FLRT2: variants seen among roughly 807,000 people sequenced by gnomAD.
The protein encoded by FLRT2 is fibronectin leucine rich transmembrane protein 2, also known as leucine-rich repeat transmembrane protein FLRT2.
A neutral mutation model predicts 40.0 loss-of-function variants in FLRT2; 15 were observed. That is an observed-to-expected ratio of 0.38 (90% CI 0.25 to 0.58). The LOEUF is 0.58. Among genes scored for constraint, FLRT2 ranks in the 20% least tolerant of loss-of-function variants. The pLI is 0.71. For synonymous variants in FLRT2, 380 were observed against 336.8 expected (o/e 1.13, Z -1.41); for missense variants, 726 against 840.0 (o/e 0.86, Z 1.68).
In FLRT2 at chr14:85,643,290, TTTTTCTTTCTTTC is replaced by T. The variant is rs1479916819; in HGVS notation, c.*19797_*19809del. ...GAGAGAGTTCAGAGGGTATTTCTTT[TTTTTCTTTCTTTC>T]TTTCTTTCTTTCTTTCTTTCTTTCT... On this transcript the variant is annotated 3_prime_UTR_variant, in exon 2 of 2. Transcript: ENST00000330753. 10 of 136,190 alleles carry T rather than the reference TTTTTCTTTCTTTC, an allele frequency of 7.3e-5. No homozygotes were observed. The highest frequency in any genetic ancestry group is 2.4e-4 in the African/African-American group (8 of 33,516). 8.4% of individuals were successfully genotyped at this position (136,190 alleles called of 1,614,324 possible).
intron 1 of FLRT2, among the ~76,000 whole-genome samples, chr14:85,561,832 GC>G (rs1890342005): frequency 6.6e-6 from 1 of 152,134 alleles, no homozygotes; most frequent in Non-Finnish European, 1.5e-5. Flanking sequence ...TCTTTAGATA[GC>G]CCCGGTCTTT....
rs951287542 is a variant in FLRT2 at position 85,650,100 on chromosome 14, T to C, written c.*26603T>C. The C allele has an allele frequency of 1.1e-4, 17 of 152,200 alleles. No individual in the cohort carries two copies. The highest frequency in any genetic ancestry group is 4.1e-4 in the African/African-American group (17 of 41,564). 9.4% of individuals were successfully genotyped at this position (152,200 alleles called of 1,614,324 possible). A position where few individuals can be genotyped will look rare whatever the true frequency, so the allele number is the denominator to read the frequency against. Reference sequence around the variant, plus strand: ...TTGAAGCCCTTGAACCCCTCACCTGTCACACTATCCTCTTTGCTTTGTCAA... The same window carrying C: ...TTGAAGCCCTTGAACCCCTCACCTGCCACACTATCCTCTTTGCTTTGTCAA... On this transcript the variant is annotated 3_prime_UTR_variant, in exon 2 of 2. Transcript: ENST00000330753.
At chr14:85,568,898 C>G (rs1359367952) in intron 1 of FLRT2, among the ~76,000 whole-genome samples, 3 of 152,108 alleles carry the variant, frequency 2.0e-5, no homozygotes, top group Non-Finnish European at 4.4e-5. Context: ...TCAGCCGCCT[C>G]TCTCTGCCTC....
At chr14:85,531,215 CGG>C (rs1491582080) in intron 1 of FLRT2, 1 of 152,310 alleles carries the variant, frequency 6.6e-6, no homozygotes, top group Middle Eastern at 3.2e-3. Context: ...AGGCGGAATC[CGG>C]ATCGAGTGAG....
chr14:85,599,398 A>G (rs1292605584), intron 1 of FLRT2, among the ~76,000 whole-genome samples: 2 of 152,166 alleles, frequency 1.3e-5, no homozygotes, highest in Admixed American at 6.5e-5. Context: ...TACCAAAGAT[A>G]CAACATATTT....
intron 1 of FLRT2, among the ~76,000 whole-genome samples, chr14:85,611,227 C>T (rs1276241526): frequency 6.7e-6 from 1 of 149,786 alleles, no homozygotes; most frequent in Non-Finnish European, 1.5e-5. Flanking sequence ...CTTTATCTGT[C>T]TTGCTCACCT....
intron 1 of FLRT2, among the ~76,000 whole-genome samples, chr14:85,557,410 T>A (rs1890039762): frequency 6.6e-6 from 1 of 152,172 alleles, no homozygotes; most frequent in Non-Finnish European, 1.5e-5. Flanking sequence ...GAATTTCTTG[T>A]TTCTTCAGGT....
chr14:85,615,299 C>T (rs959963916), intron 1 of FLRT2, among the ~76,000 whole-genome samples: 12 of 152,130 alleles, frequency 7.9e-5, no homozygotes, highest in Non-Finnish European at 1.2e-4. Context: ...TCAAGTTACC[C>T]CCATTACTCC....
At chr14:85,531,231 C>T (rs1434468695) in intron 1 of FLRT2, 1 of 152,330 alleles carries the variant, frequency 6.6e-6, no homozygotes, top group Non-Finnish European at 1.5e-5. Context: ...GAGTGAGTTC[C>T]TTGAGCCGCT....
At chr14:85,558,940 T>C (rs763917036) in intron 1 of FLRT2, among the ~76,000 whole-genome samples, 3 of 152,230 alleles carry the variant, frequency 2.0e-5, no homozygotes, top group Non-Finnish European at 4.4e-5. Context: ...TTGGATAATG[T>C]GTACAGGTGG....
intron 1 of FLRT2, among the ~76,000 whole-genome samples, chr14:85,541,554 G>C (rs1888986808): frequency 6.6e-6 from 1 of 152,140 alleles, no homozygotes; most frequent in Admixed American, 6.5e-5. Flanking sequence ...TGGAGGAGTA[G>C]CTCTTTCTAC....
Position 85,644,701 on chromosome 14 carries a change from C to T in FLRT2, c.*21204C>T, listed in dbSNP as rs1240301038. 6.6e-6 allele frequency: 1 copy of T among 152,120 alleles called. No homozygotes were observed. The highest frequency in any genetic ancestry group is 1.5e-5 in the Non-Finnish European group (1 of 68,028). The allele number at this position is 152,120 out of a possible 1,614,324, so 9.4% of individuals were successfully genotyped here. A position where few individuals can be genotyped will look rare whatever the true frequency, so the allele number is the denominator to read the frequency against. On this transcript the variant is annotated 3_prime_UTR_variant, in exon 2 of 2. Transcript: ENST00000330753. Reference sequence around the variant, plus strand: ...TATACTAGTTTTAGATGCGCTGCTTCGATACTTTGGATTCAATACTTAGTA... The same window carrying T: ...TATACTAGTTTTAGATGCGCTGCTTTGATACTTTGGATTCAATACTTAGTA...
chr14:85,540,596 G>C (rs1888927616), intron 1 of FLRT2, among the ~76,000 whole-genome samples: 1 of 152,092 alleles, frequency 6.6e-6, no homozygotes, highest in Admixed American at 6.5e-5. Context: ...TACGTGGTTG[G>C]ATCCCGATTC....
intron 1 of FLRT2, among the ~76,000 whole-genome samples, chr14:85,547,554 C>T (rs1307228358): frequency 2.0e-5 from 3 of 152,100 alleles, no homozygotes; most frequent in African/African-American, 7.2e-5. Context: ...GAACTCCTGA[C>T]ATTGTGATCC....
intron 1 of FLRT2, among the ~76,000 whole-genome samples, chr14:85,587,000 T>C (rs1042078638): frequency 2.6e-5 from 4 of 152,178 alleles, no homozygotes; most frequent in East Asian, 3.9e-4. Context: ...TGCTTGGCCA[T>C]AGGGAAATTA....
intron 1 of FLRT2, among the ~76,000 whole-genome samples, chr14:85,533,458 G>A (rs1888424003): frequency 6.6e-6 from 1 of 151,970 alleles, no homozygotes; most frequent in African/African-American, 2.4e-5. Flanking sequence ...CGAGCTGTCC[G>A]CACACACGCG....
rs1290957759 is a variant in FLRT2, at chr14:85,654,014, G to A, written c.*30517G>A. The A allele has an allele frequency of 6.6e-6, 1 of 152,144 alleles. No individual in the cohort carries two copies. The highest frequency in any genetic ancestry group is 2.4e-5 in the African/African-American group (1 of 41,430). The allele number at this position is 152,144 out of a possible 1,614,324, so 9.4% of individuals were successfully genotyped here. A position where few individuals can be genotyped will look rare whatever the true frequency, so the allele number is the denominator to read the frequency against. ...ATGTCACTTTGTATTAATGGATTTA[G>A]TGTCATGTATGGTCTTGTTTTTTGA... is the stretch of plus-strand genomic sequence containing the variant. On this transcript the variant is annotated 3_prime_UTR_variant, in exon 2 of 2. Coordinates refer to ENST00000330753, the MANE Select transcript of FLRT2 (RefSeq NM_013231.6).
At position 85,621,815 on chromosome 14, in the gene FLRT2, G is replaced by A; in HGVS notation, c.301G>A (p.Asp101Asn). The change falls in exon 2 of 2, where the codon GAC becomes AAC. Residue 101 changes from aspartate (D) to asparagine (N), a missense_variant. Asp to Asn is a conservative substitution (Grantham distance 23). This residue lies in a region of FLRT2 where 106 missense variants were observed against 121.2 expected (regional missense o/e 0.87). Coordinates refer to ENST00000330753, the MANE Select transcript of FLRT2 (RefSeq NM_013231.6). Reference protein sequence around the residue: ...HTVYLYGNQLDEFPMNLPKNV... With the variant: ...HTVYLYGNQLNEFPMNLPKNV... ...GGTCTACCTGTATGGCAACCAACTG[G>A]ACGAATTCCCCATGAACCTTCCCAA... 5 of 1,614,150 alleles carry A rather than the reference G, an allele frequency of 3.1e-6. No homozygotes were observed. The highest frequency in any genetic ancestry group is 4.2e-6 in the Non-Finnish European group (5 of 1,180,006).
intron 1 of FLRT2, among the ~76,000 whole-genome samples, chr14:85,535,356 A>C (rs199566399): frequency 0.35 from 11,435 of 32,390 alleles, 1,038 homozygotes; most frequent in Middle Eastern, 0.58. Context: ...CCCCCCCCCA[A>C]AAAAAAAAAA....
Sources: allele counts gnomAD v4.1 joint callset (sites outside exome capture counted in the v4.1 genomes callset), GRCh38; gene constraint gnomAD v4.1.1; regional missense constraint gnomAD v4.1.1; transcripts MANE v1.5; gene names NCBI Gene and HGNC (gene_info 2026-07-23, HGNC 2026-07-21).